TMEM163: variants seen among roughly 807,000 people sequenced by gnomAD.
TMEM163 encodes transmembrane protein 163.
TMEM163 carries 17 observed loss-of-function variants against 29.3 expected under a neutral mutation model. That is an observed-to-expected ratio of 0.58 (90% CI 0.40 to 0.87). TMEM163 has a LOEUF of 0.87. Among genes scored for constraint, TMEM163 ranks in the 40% least tolerant of loss-of-function variants. The pLI is 0.00. For missense variants in TMEM163, 303 were observed against 381.5 expected (o/e 0.79, Z 1.71); for synonymous variants, 157 against 160.6 (o/e 0.98, Z 0.17).
rs188863438 is a variant in TMEM163 at position 134,605,132 on chromosome 2, G to A, written c.323-53041C>T. 6.2e-3 allele frequency among the ~76,000 whole-genome samples: 936 copies of A among 150,016 alleles called. 11 individuals are homozygous for A. Among genetic ancestry groups the A allele is most frequent in the African/African-American group, 0.019 (785 of 40,600 alleles). On this transcript the variant is annotated intron_variant, in intron 2 of 7. Coordinates refer to ENST00000281924, the MANE Select transcript of TMEM163 (RefSeq NM_030923.5). ...GCGGAGGTTACAGTGAGCTGGGATC[G>A]CACCACTGCACTCCAGCCTAGGCGA...
intron 2 of TMEM163, among the ~76,000 whole-genome samples, chr2:134,577,203 C>T (rs188405363): frequency 9.2e-5 from 14 of 152,306 alleles, no homozygotes; most frequent in Admixed American, 3.3e-4. Flanking sequence ...GACATGCACA[C>T]GCATAAAGAT....
At chr2:134,520,238 T>C (rs1473797458) in intron 4 of TMEM163, among the ~76,000 whole-genome samples, 3 of 152,238 alleles carry the variant, frequency 2.0e-5, no homozygotes, top group Non-Finnish European at 1.5e-5. Context: ...CATTCATTAA[T>C]GGCATAGACA....
At chr2:134,638,812 G>A (rs1477951580) in intron 2 of TMEM163, among the ~76,000 whole-genome samples, 1 of 152,224 alleles carries the variant, frequency 6.6e-6, no homozygotes. Flanking sequence ...CTCACCACGG[G>A]AGATGCTGAA....
chr2:134,519,575 G>A (rs1405882882), intron 4 of TMEM163, among the ~76,000 whole-genome samples: 1 of 152,054 alleles, frequency 6.6e-6, no homozygotes, highest in East Asian at 1.9e-4. Context: ...AGCCGGGCGT[G>A]GTGGGGGGTG....
intron 2 of TMEM163, among the ~76,000 whole-genome samples, chr2:134,574,367 C>T (rs1404638002): frequency 6.6e-6 from 1 of 152,178 alleles, no homozygotes; most frequent in African/African-American, 2.4e-5. Context: ...CGAGACCAGC[C>T]TGGGCAACAT....
intron 4 of TMEM163, among the ~76,000 whole-genome samples, chr2:134,534,624 C>T (rs1344736479): frequency 6.6e-6 from 1 of 152,022 alleles, no homozygotes; most frequent in Non-Finnish European, 1.5e-5. Flanking sequence ...TGGGGTGGCG[C>T]ACTCCTGTAA....
At chr2:134,509,561 T>C (rs1679903508) in intron 4 of TMEM163, among the ~76,000 whole-genome samples, 2 of 152,232 alleles carry the variant, frequency 1.3e-5, no homozygotes, top group Admixed American at 6.5e-5. Context: ...CAGCGACCGC[T>C]TCACCAGGGT....
intron 2 of TMEM163, among the ~76,000 whole-genome samples, chr2:134,684,801 T>C (rs1684319310): frequency 6.6e-6 from 1 of 151,774 alleles, no homozygotes; most frequent in African/African-American, 2.4e-5. Flanking sequence ...TGGGCACCTG[T>C]AGTCCCAGCT....
intron 2 of TMEM163, among the ~76,000 whole-genome samples, chr2:134,656,129 G>A (rs1330831239): frequency 6.9e-6 from 1 of 144,076 alleles, no homozygotes; most frequent in South Asian, 2.2e-4. Context: ...GGGCAATGAC[G>A]GGCGCCCCTC....
chr2:134,516,734 TATATATGC>T (rs1314515666), intron 4 of TMEM163, among the ~76,000 whole-genome samples: 76 of 142,180 alleles, frequency 5.3e-4, no homozygotes, highest in East Asian at 1.5e-3. Context: ...TATATATGCA[TATATATGC>T]ATATATATAT....
chr2:134,683,650 A>G (rs954332482), intron 2 of TMEM163, among the ~76,000 whole-genome samples: 3 of 152,242 alleles, frequency 2.0e-5, no homozygotes, highest in Non-Finnish European at 1.5e-5. Context: ...ATGCTGAATG[A>G]CAGGCCTTAC....
chr2:134,674,669 A>T (rs1030339228), intron 2 of TMEM163, among the ~76,000 whole-genome samples: 11 of 151,128 alleles, frequency 7.3e-5, no homozygotes, highest in African/African-American at 1.9e-4. Context: ...ACTAATGTTT[A>T]AAAAAAAACA....
chr2:134,565,357 G>A (rs137867828), intron 2 of TMEM163, among the ~76,000 whole-genome samples: 1,589 of 152,182 alleles, frequency 0.01, 29 homozygotes, highest in African/African-American at 0.035. Flanking sequence ...TGTACTCCCA[G>A]CACTTTGGGA....
intron 2 of TMEM163, among the ~76,000 whole-genome samples, chr2:134,579,360 C>T (rs2104793064): frequency 6.6e-6 from 1 of 152,308 alleles, no homozygotes; most frequent in East Asian, 1.9e-4. Context: ...ATAATCTATC[C>T]ATCTACAAGT....
intron 4 of TMEM163, among the ~76,000 whole-genome samples, chr2:134,534,683 A>C (rs1574215404): frequency 6.6e-6 from 1 of 151,964 alleles, no homozygotes; most frequent in African/African-American, 2.4e-5. Context: ...GAACCCGGGA[A>C]GTGGAGGTTG....
chr2:134,505,823 G>A (rs909693738), intron 4 of TMEM163, among the ~76,000 whole-genome samples: 2 of 152,158 alleles, frequency 1.3e-5, no homozygotes, highest in Admixed American at 6.5e-5. Flanking sequence ...AGGATGCAAG[G>A]GCTTCGTAGG....
chr2:134,684,922 C>CAAAAAAA (rs56956631), intron 2 of TMEM163, among the ~76,000 whole-genome samples: 2 of 74,824 alleles, frequency 2.7e-5, no homozygotes. Flanking sequence ...GACCCTGTCT[C>CAAAAAAA]AAAAAAAAAA....
chr2:134,696,771 G>A (rs1185166857), intron 2 of TMEM163, among the ~76,000 whole-genome samples: 1 of 152,020 alleles, frequency 6.6e-6, no homozygotes, highest in African/African-American at 2.4e-5. Context: ...ACTTCTAATA[G>A]TATCTGCAGA....
At chr2:134,599,943 A>C (rs1682188769) in intron 2 of TMEM163, among the ~76,000 whole-genome samples, 1 of 151,878 alleles carries the variant, frequency 6.6e-6, no homozygotes, top group Non-Finnish European at 1.5e-5. Context: ...ACACACACAC[A>C]CCCTACACAC....
Sources: gnomAD v4.1 joint callset for allele counts (sites outside exome capture counted in the v4.1 genomes callset) on GRCh38, gnomAD v4.1.1 for gene constraint, MANE v1.5 for transcripts, NCBI Gene and HGNC (gene_info 2026-07-23, HGNC 2026-07-21) for gene names.